Variants in TMEM132B observed in about 807,000 individuals in gnomAD.
The protein encoded by TMEM132B is transmembrane protein 132B.
A neutral mutation model predicts 90.8 loss-of-function variants in TMEM132B; 18 were observed. The ratio of observed to expected loss-of-function variants is 0.20; its 90% CI spans 0.14 to 0.29. TMEM132B has a LOEUF of 0.29. Ranked by LOEUF, TMEM132B falls within the 10% of genes least tolerant of loss-of-function variation. The probability of loss-of-function intolerance (pLI) is 1.00; values close to 1 mark genes in which losing one functional copy is unlikely to be tolerated. For missense variants in TMEM132B, 1,096 were observed against 1,326.8 expected (o/e 0.83, Z 2.70); for synonymous variants, 504 against 523.3 (o/e 0.96, Z 0.50).
At chr12:125,548,210 C>T (rs917656629) in intron 4 of TMEM132B, among the ~76,000 whole-genome samples, 1 of 152,138 alleles carries the variant, frequency 6.6e-6, no homozygotes, top group South Asian at 2.1e-4. Context: ...GTGCTCTGGG[C>T]TGACAGTCCC....
intron 4 of TMEM132B, among the ~76,000 whole-genome samples, chr12:125,521,721 A>T (rs1164006937): frequency 1.3e-5 from 2 of 152,174 alleles, no homozygotes; most frequent in Non-Finnish European, 1.5e-5. Context: ...TGTGGGAGAG[A>T]TTCAACTGTT....
At chr12:125,623,905 C>T (rs1387567223) in intron 5 of TMEM132B, among the ~76,000 whole-genome samples, 2 of 152,174 alleles carry the variant, frequency 1.3e-5, no homozygotes, top group Non-Finnish European at 2.9e-5. Context: ...GGTTACATCT[C>T]CACTAAGTGG....
At chr12:125,380,337 G>A (rs796726858) in intron 2 of TMEM132B, among the ~76,000 whole-genome samples, 2 of 152,216 alleles carry the variant, frequency 1.3e-5, no homozygotes, top group African/African-American at 2.4e-5. Flanking sequence ...CTGGCCATTC[G>A]ATTTGGGACT....
chr12:125,403,147 C>T (rs1037446997), intron 2 of TMEM132B, among the ~76,000 whole-genome samples: 2 of 152,210 alleles, frequency 1.3e-5, no homozygotes, highest in African/African-American at 4.8e-5. Context: ...TATAAAAGAA[C>T]TCAAGCTGCA....
intron 1 of TMEM132B, among the ~76,000 whole-genome samples, chr12:125,238,858 C>G (rs1338391732): frequency 6.6e-6 from 1 of 152,168 alleles, no homozygotes; most frequent in East Asian, 1.9e-4. Flanking sequence ...AGATGGTAGG[C>G]CTGAAGGAGA....
intron 4 of TMEM132B, among the ~76,000 whole-genome samples, chr12:125,569,401 C>T (rs537116682): frequency 8.5e-5 from 13 of 152,266 alleles, no homozygotes; most frequent in Non-Finnish European, 5.9e-5. Flanking sequence ...ACAGTGGCCT[C>T]GGATGCCCTC....
At chr12:125,347,549 C>T (rs1299598198) in intron 1 of TMEM132B, among the ~76,000 whole-genome samples, 1 of 152,144 alleles carries the variant, frequency 6.6e-6, no homozygotes, top group Non-Finnish European at 1.5e-5. Flanking sequence ...CTATATTTTG[C>T]AGAATTTTTA....
Position 125,349,634 on chromosome 12 carries a change from A to G in TMEM132B, c.250A>G (p.Arg84Gly). 1 of 1,614,208 alleles carries G rather than the reference A, an allele frequency of 6.2e-7. No homozygotes were observed. Among genetic ancestry groups the G allele is most frequent in the Non-Finnish European group, 8.5e-7 (1 of 1,180,040 alleles). ...RVEPFFIYRA[R>G]TPPIINASYG... ...GGAGCCATTCTTCATCTACCGAGCC[A>G]GGACACCCCCTATTATCAATGCCAG... The change falls in exon 2 of 9, where the codon AGG becomes GGG. Residue 84 changes from arginine (R) to glycine (G), a missense_variant. By Grantham distance (125) the Arg-to-Gly change is moderately radical. Transcript: ENST00000682704. The surrounding 1 kb of genome is among the most constrained non-coding windows in gnomAD (Gnocchi z 4.1).
intron 7 of TMEM132B, 83 bp downstream of exon 7, chr12:125,651,036 G>GTGCACATGTCCACA: frequency 3.9e-6 from 6 of 1,524,812 alleles, no homozygotes; most frequent in Non-Finnish European, 5.3e-6. Context: ...GTGTGTCTGT[G>GTGCACATGTCCACA]TGCACATGTG....
intron 1 of TMEM132B, among the ~76,000 whole-genome samples, chr12:125,208,320 C>G (rs977559403): frequency 6.6e-6 from 1 of 152,214 alleles, no homozygotes; most frequent in Non-Finnish European, 1.5e-5. Flanking sequence ...ACATAACAAC[C>G]ATTTCAAAGT....
intron 2 of TMEM132B, among the ~76,000 whole-genome samples, chr12:125,397,033 G>A (rs754224892): frequency 5.3e-5 from 8 of 151,634 alleles, no homozygotes; most frequent in Admixed American, 2.0e-4. Flanking sequence ...GTGCAGTGGC[G>A]TGATCTCGGC....
At chr12:125,409,298 G>A (rs545585289) in intron 2 of TMEM132B, among the ~76,000 whole-genome samples, 253 of 152,270 alleles carry the variant, frequency 1.7e-3, no homozygotes, top group African/African-American at 5.9e-3. Context: ...CAACCACACT[G>A]GAATTTATGG....
chr12:125,269,774 A>T (rs569339380), intron 1 of TMEM132B, among the ~76,000 whole-genome samples: 2 of 152,078 alleles, frequency 1.3e-5, no homozygotes, highest in Non-Finnish European at 2.9e-5. Context: ...CCTCTCATAT[A>T]CAAGCGCAGA....
intron 5 of TMEM132B, among the ~76,000 whole-genome samples, chr12:125,609,390 G>T (rs1304999782): frequency 1.3e-5 from 2 of 151,948 alleles, no homozygotes; most frequent in African/African-American, 4.8e-5. Context: ...GGCTATTCTG[G>T]GTCCGCTGCA....
At chr12:125,196,641 A>G (rs959655016) in intron 1 of TMEM132B, among the ~76,000 whole-genome samples, 1 of 152,208 alleles carries the variant, frequency 6.6e-6, no homozygotes, top group African/African-American at 2.4e-5. Flanking sequence ...CCTGGGAGGC[A>G]GAGTTGCAGT....
At chr12:125,193,546 T>A (rs1872850363) in intron 1 of TMEM132B, among the ~76,000 whole-genome samples, 1 of 152,228 alleles carries the variant, frequency 6.6e-6, no homozygotes, top group African/African-American at 2.4e-5. Context: ...GAAGAGTGAC[T>A]GTGCGATCCA....
chr12:125,504,558 A>G (rs1399623551), intron 3 of TMEM132B, among the ~76,000 whole-genome samples: 5 of 152,142 alleles, frequency 3.3e-5, no homozygotes, highest in Admixed American at 6.5e-5. Flanking sequence ...ATCTGTTGTA[A>G]TGGCACCTGC....
intron 2 of TMEM132B, among the ~76,000 whole-genome samples, chr12:125,376,736 A>C (rs73424761): frequency 9.2e-5 from 14 of 152,314 alleles, no homozygotes; most frequent in African/African-American, 3.1e-4. Flanking sequence ...AGGCCGCCCT[A>C]TGAAGCCCAC....
In TMEM132B at chr12:125,246,939, C is replaced by T. The variant is rs574412733; in HGVS notation, c.67+60073C>T. ...GGGGGAGGTGGTGGGGGTAGGGGCACAGTCAGGATTTTCCACTTAAGTTAT... is the reference window on the plus strand; with the variant it reads ...GGGGGAGGTGGTGGGGGTAGGGGCATAGTCAGGATTTTCCACTTAAGTTAT... On this transcript the variant is annotated intron_variant, in intron 1 of 8. Transcript: ENST00000682704. The surrounding 1 kb of genome is among the most constrained non-coding windows in gnomAD (Gnocchi z 4.2). Among the ~76,000 whole-genome samples, 34 of 152,114 alleles carry T rather than the reference C, an allele frequency of 2.2e-4. No homozygotes were observed. Among genetic ancestry groups the T allele is most frequent in the African/African-American group, 8.0e-4 (33 of 41,484 alleles).
Sources: allele counts gnomAD v4.1 joint callset (sites outside exome capture counted in the v4.1 genomes callset), GRCh38; gene constraint gnomAD v4.1.1; non-coding constraint Gnocchi (gnomAD v3.1); transcripts MANE v1.5; gene names NCBI Gene and HGNC (gene_info 2026-07-23, HGNC 2026-07-21).